DDHD2: variants seen among roughly 807,000 people sequenced by gnomAD.
DDHD2 encodes the protein triacylglycerol hydrolase DDHD2.
DDHD2 carries 62 observed loss-of-function variants against 91.2 expected under a neutral mutation model. That is an observed-to-expected ratio of 0.68 (90% CI 0.55 to 0.84). The LOEUF (loss-of-function observed/expected upper bound fraction) is 0.84. Among genes scored for constraint, DDHD2 ranks in the 40% least tolerant of loss-of-function variants. The probability of loss-of-function intolerance (pLI) is 0.00; values close to 1 mark genes in which losing one functional copy is unlikely to be tolerated. For synonymous variants in DDHD2, 271 were observed against 293.9 expected (o/e 0.92, Z 0.80); for missense variants, 740 against 846.9 (o/e 0.87, Z 1.57).
chr8:38,267,803 A>G, downstream of DDHD2: 1 of 1,253,214 alleles, frequency 8.0e-7, no homozygotes, highest in Non-Finnish European at 1.2e-6. Context: ...AGGAGAAAAG[A>G]ATGAGAAAGA....
downstream of DDHD2, chr8:38,267,593 A>G: frequency 1.5e-6 from 1 of 665,776 alleles, no homozygotes; most frequent in Non-Finnish European, 2.5e-6. Flanking sequence ...CGCCCATTCC[A>G]GCACATGATT....
At chr8:38,267,738 GT>G, downstream of DDHD2, 1 of 759,210 alleles carries the variant, frequency 1.3e-6, no homozygotes, top group Non-Finnish European at 2.1e-6. Flanking sequence ...GAGGACTGAG[GT>G]ATGGGGAAGG....
Position 38,237,349 on chromosome 8 carries a change from C to T in DDHD2, c.412-189C>T, listed in dbSNP as rs994697414. Among the ~76,000 whole-genome samples, 3 of 152,060 alleles carry T rather than the reference C, an allele frequency of 2.0e-5. No homozygotes were observed. In the East Asian group the frequency reaches 5.8e-4, roughly 29 times the overall value. On this transcript the variant is annotated intron_variant, in intron 3 of 17. Coordinates refer to ENST00000397166, the MANE Select transcript of DDHD2 (RefSeq NM_015214.3). ...CGAGATTGTGCCACTGCAACCCAGCCTGGGCGACAGAGTAAGACAAACAAA... is the reference window on the plus strand; with the variant it reads ...CGAGATTGTGCCACTGCAACCCAGCTTGGGCGACAGAGTAAGACAAACAAA...
rs1360199673 is a variant in DDHD2 at position 38,261,863 on chromosome 8, A to T, written c.*1290A>T. On this transcript the variant is annotated 3_prime_UTR_variant, in exon 18 of 18. Coordinates refer to ENST00000397166, the MANE Select transcript of DDHD2 (RefSeq NM_015214.3). The stretch of plus-strand genomic sequence containing the variant: ...ATGATAATCCTTTATACTTGCTCTC[A>T]GATTCCACAGGCCTCTGTTTATAGA... 1 of 152,150 alleles carries T rather than the reference A, an allele frequency of 6.6e-6. No homozygotes were observed. Among genetic ancestry groups the T allele is most frequent in the Admixed American group, 6.5e-5 (1 of 15,272 alleles). 9.4% of individuals were successfully genotyped at this position (152,150 alleles called of 1,614,324 possible).
At chr8:38,259,113 G>T (rs1806763448) in intron 16 of DDHD2, among the ~76,000 whole-genome samples, 1 of 152,054 alleles carries the variant, frequency 6.6e-6, no homozygotes, top group African/African-American at 2.4e-5. Context: ...TTTCCAAAAA[G>T]TGCATAATAT....
chr8:38,240,148 A>G (rs965208323), intron 5 of DDHD2, 127 bp from the exon 6 acceptor site: 4 of 470,936 alleles, frequency 8.5e-6, no homozygotes, highest in African/African-American at 1.9e-5. Flanking sequence ...TTAAAGGACT[A>G]TTTTGTATCT....
intron 6 of DDHD2, 31 bp downstream of exon 6, chr8:38,240,395 A>T: frequency 6.8e-7 from 1 of 1,464,242 alleles, no homozygotes; most frequent in Non-Finnish European, 9.5e-7. Flanking sequence ...AGAGAATATT[A>T]ATCAGTGCTC....
intron 1 of DDHD2, chr8:38,268,171 T>G (rs901637117): frequency 3.3e-5 from 41 of 1,260,708 alleles, no homozygotes; most frequent in Non-Finnish European, 4.4e-5. Flanking sequence ...AATAACCCAG[T>G]GCATTTAGGC....
At chr8:38,263,564 G>A (rs1014240435), downstream of DDHD2, 59 of 985,006 alleles carry the variant, frequency 6.0e-5, no homozygotes, top group Middle Eastern at 5.2e-4. Context: ...TTATGCCCAC[G>A]GTGTTCAAAA....
At chr8:38,263,640 T>G (rs1807209609), downstream of DDHD2, 1 of 985,316 alleles carries the variant, frequency 1.0e-6, no homozygotes, top group African/African-American at 1.7e-5. Context: ...TTACCCTAGA[T>G]TCGACATTTT....
intron 5 of DDHD2, among the ~76,000 whole-genome samples, chr8:38,239,432 G>A (rs372388343): frequency 2.0e-5 from 3 of 149,902 alleles, no homozygotes; most frequent in South Asian, 2.1e-4. Context: ...GTTGGCTCAC[G>A]GCTGTAATCC....
At chr8:38,237,109 C>T (rs1234472950) in intron 3 of DDHD2, among the ~76,000 whole-genome samples, 3 of 152,078 alleles carry the variant, frequency 2.0e-5, no homozygotes, top group African/African-American at 7.2e-5. Flanking sequence ...GGTGCTGTGG[C>T]TCATGCTTGT....
At chr8:38,264,888 A>G, downstream of DDHD2, 1 of 1,612,764 alleles carries the variant, frequency 6.2e-7, no homozygotes. Context: ...TTTCTAACTC[A>G]GAAGAGTAAC....
intron 1 of DDHD2, chr8:38,268,563 CATAA>C: frequency 6.7e-7 from 1 of 1,499,640 alleles, no homozygotes; most frequent in Non-Finnish European, 8.9e-7. Flanking sequence ...CTGGAGCTAA[CATAA>C]GGTCTCTGAG....
At chr8:38,254,563 G>A (rs1419975856) in intron 16 of DDHD2, among the ~76,000 whole-genome samples, 5 of 151,866 alleles carry the variant, frequency 3.3e-5, no homozygotes, top group Non-Finnish European at 4.4e-5. Flanking sequence ...GTACAGACAG[G>A]GTTTCGCCAT....
intron 1 of DDHD2, chr8:38,268,076 GGCA>G (rs1444104600): frequency 6.5e-7 from 1 of 1,534,458 alleles, no homozygotes; most frequent in African/African-American, 1.4e-5. Context: ...ACCAGGCCTG[GGCA>G]CAAAAATAAT....
chr8:38,252,363 T>C, intron 13 of DDHD2, 76 bp downstream of exon 13: 1 of 1,502,202 alleles, frequency 6.7e-7, no homozygotes, highest in Non-Finnish European at 8.9e-7. Context: ...TTTTCTGTTG[T>C]GTTGATTTTT....
chr8:38,241,813 G>A (rs1011892126), intron 6 of DDHD2, among the ~76,000 whole-genome samples: 3 of 151,372 alleles, frequency 2.0e-5, no homozygotes, highest in Admixed American at 6.6e-5. Flanking sequence ...CAGCACTTTG[G>A]GGGGCCAAGG....
intron 11 of DDHD2, chr8:38,250,092 T>TAGAGACGGTG (rs1414459164): frequency 5.6e-6 from 1 of 179,406 alleles, no homozygotes; most frequent in Non-Finnish European, 1.2e-5. Context: ...AATTTTTGTA[T>TAGAGACGGTG]TTTTAATAGA....
Sources: allele counts gnomAD v4.1 joint callset (sites outside exome capture counted in the v4.1 genomes callset), GRCh38; gene constraint gnomAD v4.1.1; transcripts MANE v1.5; gene names NCBI Gene and HGNC (gene_info 2026-07-23, HGNC 2026-07-21).